The following SORCS1 variants were observed in gnomAD, a reference collection of about 807,000 sequenced individuals.
The protein encoded by SORCS1 is sortilin related VPS10 domain containing receptor 1.
A neutral mutation model predicts 146.1 loss-of-function variants in SORCS1; 60 were observed. That is an observed-to-expected ratio of 0.41 (90% CI 0.33 to 0.51). The LOEUF (loss-of-function observed/expected upper bound fraction) is 0.51. Ranked by LOEUF, SORCS1 falls within the 20% of genes least tolerant of loss-of-function variation. The pLI, the probability that SORCS1 is intolerant of heterozygous loss-of-function variation, is 0.21. For synonymous variants in SORCS1, 637 were observed against 584.0 expected, an observed-to-expected ratio of 1.09 and a Z score of -1.31; for missense variants, 1,352 against 1,487.6, an observed-to-expected ratio of 0.91 and a Z score of 1.50.
chr10:106,732,666 G>A (rs1856678875), intron 5 of SORCS1, among the ~76,000 whole-genome samples: 1 of 152,220 alleles, frequency 6.6e-6, no homozygotes, highest in Non-Finnish European at 1.5e-5. Context: ...CTTACGGCTA[G>A]TGTCAACGGG....
intron 21 of SORCS1, among the ~76,000 whole-genome samples, chr10:106,615,553 C>T (rs534066884): frequency 3.3e-5 from 5 of 152,220 alleles, no homozygotes; most frequent in Non-Finnish European, 4.4e-5. Flanking sequence ...GTTACTCATG[C>T]CTGTAATCTC....
At chr10:106,822,351 T>C (rs1156517818) in intron 3 of SORCS1, among the ~76,000 whole-genome samples, 2 of 152,184 alleles carry the variant, frequency 1.3e-5, no homozygotes, top group African/African-American at 4.8e-5. Context: ...TTTTTCTCTA[T>C]GTTCCAAAGA....
chr10:107,169,267 G>A (rs1970110449), upstream of SORCS1, among the ~76,000 whole-genome samples: 3 of 152,252 alleles, frequency 2.0e-5, no homozygotes, highest in South Asian at 6.2e-4. Flanking sequence ...AAAGTGTCTT[G>A]TCTTGCATTT....
At chr10:107,095,788 T>C (rs1428818582) in intron 1 of SORCS1, among the ~76,000 whole-genome samples, 1 of 151,914 alleles carries the variant, frequency 6.6e-6, no homozygotes, top group Non-Finnish European at 1.5e-5. Flanking sequence ...TCATGAGGAA[T>C]ATTAAAAAAA....
intron 1 of SORCS1, among the ~76,000 whole-genome samples, chr10:107,047,909 T>C (rs1253851421): frequency 1.3e-5 from 2 of 152,052 alleles, no homozygotes; most frequent in East Asian, 1.9e-4. Context: ...GGTGAAACCC[T>C]GTCTCTAAAA....
intron 2 of SORCS1, among the ~76,000 whole-genome samples, chr10:106,875,774 T>C (rs1452836722): frequency 6.6e-6 from 1 of 152,202 alleles, no homozygotes; most frequent in Non-Finnish European, 1.5e-5. Flanking sequence ...TGTCTGTTCA[T>C]GTCATTTGCC....
chr10:107,089,979 A>G (rs1163479077), intron 1 of SORCS1, among the ~76,000 whole-genome samples: 1 of 152,224 alleles, frequency 6.6e-6, no homozygotes, highest in Non-Finnish European at 1.5e-5. Flanking sequence ...CACTAGGAAG[A>G]ATGATCCATC....
chr10:106,875,032 G>C (rs1950546088), intron 2 of SORCS1, among the ~76,000 whole-genome samples: 1 of 152,076 alleles, frequency 6.6e-6, no homozygotes. Flanking sequence ...ATATAGCGGT[G>C]AATTCTGAGA....
At chr10:107,048,567 A>C (rs1959743473) in intron 1 of SORCS1, among the ~76,000 whole-genome samples, 1 of 152,210 alleles carries the variant, frequency 6.6e-6, no homozygotes, top group South Asian at 2.1e-4. Flanking sequence ...TTTTTCAATG[A>C]ATTATTTAAT....
At chr10:106,720,560 C>CA (rs1855710850) in intron 6 of SORCS1, among the ~76,000 whole-genome samples, 1 of 148,856 alleles carries the variant, frequency 6.7e-6, no homozygotes, top group Non-Finnish European at 1.5e-5. Flanking sequence ...GCCGATGCTA[C>CA]TTTTTTTTTA....
In SORCS1 at chr10:107,106,477, C is replaced by A. The variant is rs961028760; in HGVS notation, c.558+57492G>T. Among the ~76,000 whole-genome samples the A allele has an allele frequency of 2.0e-5, 3 of 152,178 alleles. No individual in the cohort carries two copies. In the East Asian group the frequency reaches 5.8e-4, roughly 29 times the overall value. ...CTATTTATTCTGCATTTATTTATCT[C>A]CTGAAGAAGTGCTTTTCTTTTACAA... On this transcript the variant is annotated intron_variant, in intron 1 of 25. Transcript: ENST00000263054.
chr10:107,010,338 T>C (rs1053063995), intron 1 of SORCS1, among the ~76,000 whole-genome samples: 8 of 152,208 alleles, frequency 5.3e-5, no homozygotes, highest in African/African-American at 1.7e-4. Context: ...AAACAGTCGC[T>C]CTGCAGGACA....
chr10:107,075,486 AT>A (rs1433769648), intron 1 of SORCS1, among the ~76,000 whole-genome samples: 2 of 152,120 alleles, frequency 1.3e-5, no homozygotes, highest in African/African-American at 4.8e-5. Flanking sequence ...GGCAGAGGGT[AT>A]TTGATAAACA....
rs1002917965 is a variant in SORCS1, at chr10:106,576,169, T to C, written c.*1251A>G. 6.6e-6 allele frequency: 1 copy of C among 152,250 alleles called. No homozygotes were observed. The highest frequency in any genetic ancestry group is 1.5e-5 in the Non-Finnish European group (1 of 68,080). The allele number at this position is 152,250 out of a possible 1,614,324, so 9.4% of individuals were successfully genotyped here. On this transcript the variant is annotated 3_prime_UTR_variant, in exon 26 of 26. Coordinates refer to ENST00000263054, the MANE Select transcript of SORCS1 (RefSeq NM_052918.5). The stretch of plus-strand genomic sequence containing the variant: ...CAGGTTCTAGAGGAAAAGACAAAGA[T>C]ACATGAAACTGAACCCTGCTGTGCA...
chr10:106,857,546 G>C (rs914388440), intron 2 of SORCS1, among the ~76,000 whole-genome samples: 1 of 152,198 alleles, frequency 6.6e-6, no homozygotes, highest in African/African-American at 2.4e-5. Flanking sequence ...TAGTGCATTT[G>C]GTGGCATAAA....
chr10:106,750,756 A>AAAAAAAAAAGAAAAG (rs1858122111), intron 5 of SORCS1, among the ~76,000 whole-genome samples: 1 of 127,316 alleles, frequency 7.9e-6, no homozygotes, highest in Non-Finnish European at 1.6e-5. Flanking sequence ...AAAAAAAAAA[A>AAAAAAAAAAGAAAAG]AAAAAGAAAA....
In SORCS1 at chr10:106,582,962, A is replaced by G. The variant is rs371237266; in HGVS notation, c.3266-3488T>C. 9.2e-5 allele frequency among the ~76,000 whole-genome samples: 14 copies of G among 152,322 alleles called. No individual in the cohort carries two copies. In the East Asian group the frequency reaches 1.7e-3, roughly 19 times the overall value. ...GTTATAGTTGTATGTATGAGAACAA[A>G]TTCAAAATTCCACATTTGGGGTTAA... On this transcript the variant is annotated intron_variant, in intron 24 of 25. Transcript: ENST00000263054.
chr10:107,076,550 C>T (rs368707218), intron 1 of SORCS1, among the ~76,000 whole-genome samples: 4 of 152,302 alleles, frequency 2.6e-5, no homozygotes, highest in African/African-American at 9.6e-5. Flanking sequence ...ATCCAACAAA[C>T]ATTTCCTAGT....
the SORCS1 span, among the ~76,000 whole-genome samples, chr10:107,179,571 C>G: frequency 2.6e-5 from 4 of 152,184 alleles, no homozygotes; most frequent in East Asian, 5.8e-4. Context: ...TCCAATTCCT[C>G]TGCATATTTG....
Sources: gnomAD v4.1 joint callset for allele counts (sites outside exome capture counted in the v4.1 genomes callset) on GRCh38, gnomAD v4.1.1 for gene constraint, MANE v1.5 for transcripts, NCBI Gene and HGNC (gene_info 2026-07-23, HGNC 2026-07-21) for gene names.